ZNF174: variants seen among roughly 807,000 people sequenced by gnomAD.
ZNF174 encodes AW-1.
In ZNF174, 30 loss-of-function variants were observed where a neutral mutation model predicts 38.7. The observed-to-expected ratio is 0.78, with a 90% CI of 0.58 to 1.05. The LOEUF is 1.05. Among genes scored for constraint, ZNF174 ranks in the 50% least tolerant of loss-of-function variants. ZNF174 has a pLI of 0.00. For missense variants in ZNF174, 499 were observed against 495.6 expected (o/e 1.01, Z -0.06); for synonymous variants, 201 against 181.7 (o/e 1.11, Z -0.86).
chr16:3,405,091 T>G (rs1392237835), intron 2 of ZNF174: 2 of 1,504,162 alleles, frequency 1.3e-6, no homozygotes, highest in African/African-American at 2.8e-5. Context: ...GATCCTCAAA[T>G]CTATTTCCCT....
intron 2 of ZNF174, chr16:3,405,145 C>T: frequency 7.3e-7 from 1 of 1,363,626 alleles, no homozygotes; most frequent in South Asian, 1.5e-5. Context: ...TTGTTCTACA[C>T]AGTCCTGTGA....
chr16:3,403,831 AG>A (rs2034008080), intron 1 of ZNF174, among the ~76,000 whole-genome samples: 1 of 152,198 alleles, frequency 6.6e-6, no homozygotes, highest in Non-Finnish European at 1.5e-5. Flanking sequence ...TCAACTGGCC[AG>A]CGTTGCCATT....
At chr16:3,405,073 G>A (rs1254125982) in intron 2 of ZNF174, 5 of 1,551,746 alleles carry the variant, frequency 3.2e-6, no homozygotes, top group Non-Finnish European at 4.3e-6. Flanking sequence ...GATGTTGCTT[G>A]TACTTTAGAT....
intron 2 of ZNF174, among the ~76,000 whole-genome samples, chr16:3,408,086 A>G (rs964944982): frequency 2.4e-4 from 36 of 152,006 alleles, no homozygotes; most frequent in African/African-American, 8.7e-4. Flanking sequence ...AATCACAGTC[A>G]CCCCAGGAGC....
At chr16:3,403,385 A>C (rs1463553485) in intron 1 of ZNF174, among the ~76,000 whole-genome samples, 2 of 151,058 alleles carry the variant, frequency 1.3e-5, no homozygotes, top group Non-Finnish European at 3.0e-5. Flanking sequence ...TGGCCAGGCT[A>C]GTCTCGAACT....
intron 2 of ZNF174, among the ~76,000 whole-genome samples, chr16:3,407,152 C>T (rs2034067619): frequency 6.6e-6 from 1 of 152,168 alleles, no homozygotes; most frequent in African/African-American, 2.4e-5. Flanking sequence ...GGGCCCATTC[C>T]TCATAAATGG....
rs537740657 is a variant in ZNF174, at chr16:3,401,910, T to G, written c.-95T>G. On this transcript the variant is annotated 5_prime_UTR_variant, in exon 1 of 3. Transcript: ENST00000268655. ...CTAACATCCTCAGAGAACCTTCGTT[T>G]CTAGAATCTTTCTAGTATTCAGAGA... 14 of 1,468,698 alleles carry G rather than the reference T, an allele frequency of 9.5e-6. No homozygotes were observed. In the East Asian group the frequency reaches 3.2e-4, roughly 33 times the overall value. 91.0% of individuals were successfully genotyped at this position (1,468,698 alleles called of 1,614,324 possible).
At chr16:3,404,393 T>C (rs2034019477) in intron 1 of ZNF174, 33 bp from the exon 2 acceptor site, 2 of 1,562,164 alleles carry the variant, frequency 1.3e-6, no homozygotes, top group East Asian at 2.3e-5. Flanking sequence ...TCAGTCCTGA[T>C]GGATGGAATT....
chr16:3,402,518 G>A (rs1268060267), intron 1 of ZNF174, 112 bp downstream of exon 1: 32 of 1,092,346 alleles, frequency 2.9e-5, no homozygotes, highest in Non-Finnish European at 4.1e-5. Context: ...GAGTGCAGTG[G>A]CGCTATCTCG....
At chr16:3,405,612 A>C (rs2034044272) in intron 2 of ZNF174, among the ~76,000 whole-genome samples, 1 of 152,244 alleles carries the variant, frequency 6.6e-6, no homozygotes, top group African/African-American at 2.4e-5. Context: ...CTTGGGAGTT[A>C]GAATTTCATA....
intron 2 of ZNF174, 65 bp from the exon 3 acceptor site, chr16:3,408,256 C>A (rs767972443): frequency 1.4e-5 from 21 of 1,456,110 alleles, no homozygotes; most frequent in Non-Finnish European, 1.8e-5. Flanking sequence ...CAGAGTATTT[C>A]ATAACTCTTG....
intron 2 of ZNF174, among the ~76,000 whole-genome samples, chr16:3,407,558 G>C (rs563862219): frequency 6.6e-6 from 1 of 152,196 alleles, no homozygotes; most frequent in Admixed American, 6.5e-5. Context: ...CACATTTCAA[G>C]TACCCAGTAG....
Position 3,408,466 on chromosome 16 carries a change from T to C in ZNF174, c.771T>C (p.Pro257=). ...PEPRGANMSE[P]RLSRRQVSSP... is the part of the protein sequence containing the mutation. ...CAAGAGGGGCAAATATGAGTGAACC[T>C]CGGTTGTCACGGAGGCAGGTCAGCT... The change falls in exon 3 of 3, where the codon CCT becomes CCC. Residue 257 remains proline (P), a synonymous_variant. Coordinates refer to ENST00000268655, the MANE Select transcript of ZNF174 (RefSeq NM_003450.3). 6.2e-7 allele frequency: 1 copy of C among 1,613,992 alleles called. No homozygotes were observed. The highest frequency in any genetic ancestry group is 8.5e-7 in the Non-Finnish European group (1 of 1,180,000).
intron 2 of ZNF174, 22 bp from the exon 3 acceptor site, chr16:3,408,299 A>G: frequency 1.3e-6 from 2 of 1,535,424 alleles, no homozygotes; most frequent in Non-Finnish European, 1.8e-6. Flanking sequence ...CAGAAAATGA[A>G]GCATTTTCTT....
Position 3,408,941 on chromosome 16 carries a change from A to AGTGT in ZNF174, c.*22_*23insGTGT. On this transcript the variant is annotated 3_prime_UTR_variant, in exon 3 of 3. Transcript: ENST00000268655. ...CTAAAAGGAGCACTCCATGCTTTAG[A>AGTGT]TTCACACGGAAGGTGTTTGTGTTTC... The AGTGT allele has an allele frequency of 6.4e-7, 1 of 1,571,506 alleles. No homozygotes were observed. The highest frequency in any genetic ancestry group is 8.6e-7 in the Non-Finnish European group (1 of 1,157,154).
chr16:3,402,754 G>A (rs112337226), intron 1 of ZNF174, among the ~76,000 whole-genome samples: 2 of 152,056 alleles, frequency 1.3e-5, no homozygotes, highest in African/African-American at 2.4e-5. Flanking sequence ...CACCGTGCCC[G>A]GCCGATTTCT....
chr16:3,401,993 C>G lies in ZNF174; in HGVS notation c.-12C>G, dbSNP rs922382225. 6.2e-7 allele frequency: 1 copy of G among 1,611,024 alleles called. No homozygotes were observed. The highest frequency in any genetic ancestry group is 8.5e-7 in the Non-Finnish European group (1 of 1,179,434). On this transcript the variant is annotated 5_prime_UTR_variant, in exon 1 of 3. Transcript: ENST00000268655. ...CCGTTTACAAGGAGAGAGTTGTCTC[C>G]TGACGCCCAAAATGGCAGCTAAAAT...
In ZNF174 at chr16:3,402,196, C is replaced by G. The variant is rs1387271925; in HGVS notation, c.192C>G (p.Leu64=). The change falls in exon 1 of 3, where the codon CTC becomes CTG. Residue 64 remains leucine (L), a synonymous_variant. Transcript: ENST00000268655. ...YQEVSGPQEA[L]SQLRQLCRQW... ...AGGTGTCTGGACCCCAAGAGGCTCT[C>G]TCCCAGCTCCGACAGCTCTGCCGTC... 1 of 1,612,882 alleles carries G rather than the reference C, an allele frequency of 6.2e-7. No individual in the cohort carries two copies. The highest frequency in any genetic ancestry group is 1.7e-5 in the Admixed American group (1 of 60,002).
chr16:3,401,244 G>C lies in ZNF174; in HGVS notation c.-761G>C, dbSNP rs984154244. The C allele has an allele frequency of 2.6e-5, 4 of 152,392 alleles. No homozygotes were observed. The highest frequency in any genetic ancestry group is 7.2e-5 in the African/African-American group (3 of 41,464). 9.4% of individuals were successfully genotyped at this position (152,392 alleles called of 1,614,324 possible). Reference sequence around the variant, plus strand: ...CGTGCTCGCCGGTGTCGGGTCCTAAGTCCCTCGGTCTTGGGTTCCCGGAGA... The same window carrying C: ...CGTGCTCGCCGGTGTCGGGTCCTAACTCCCTCGGTCTTGGGTTCCCGGAGA... On this transcript the variant is annotated 5_prime_UTR_variant, in exon 1 of 3. Coordinates refer to ENST00000268655, the MANE Select transcript of ZNF174 (RefSeq NM_003450.3).
Sources: gnomAD v4.1 joint callset for allele counts (sites outside exome capture counted in the v4.1 genomes callset) on GRCh38, gnomAD v4.1.1 for gene constraint, MANE v1.5 for transcripts, NCBI Gene and HGNC (gene_info 2026-07-23, HGNC 2026-07-21) for gene names.